PDE11A: variants seen among roughly 807,000 people sequenced by gnomAD.
PDE11A encodes the protein dual 3',5'-cyclic-AMP and -GMP phosphodiesterase 11A.
In PDE11A, 100 loss-of-function variants were observed where a neutral mutation model predicts 100.5. That is an observed-to-expected ratio of 1.00 (90% CI 0.85 to 1.18). The LOEUF is 1.18. Ranked by LOEUF, PDE11A falls within the 50% of genes most tolerant of loss-of-function variation. PDE11A has a pLI of 0.00. For missense variants in PDE11A, 1,141 were observed against 1,152.6 expected, an observed-to-expected ratio of 0.99 and a Z score of 0.15; for synonymous variants, 381 against 420.8, an observed-to-expected ratio of 0.91 and a Z score of 1.16.
intron 2 of PDE11A, among the ~76,000 whole-genome samples, chr2:177,914,478 T>C (rs2084924754): frequency 6.6e-6 from 1 of 152,188 alleles, no homozygotes; most frequent in African/African-American, 2.4e-5. Flanking sequence ...TATAAGCAGG[T>C]TGACCTACAT....
intron 18 of PDE11A, among the ~76,000 whole-genome samples, chr2:177,667,582 A>G (rs2105484621): frequency 6.6e-6 from 1 of 152,288 alleles, no homozygotes; most frequent in East Asian, 1.9e-4. Context: ...CTTCTTAATC[A>G]ATGCTTGATG....
At chr2:177,996,183 C>T (rs62183413) in intron 2 of PDE11A, among the ~76,000 whole-genome samples, 76,528 of 151,196 alleles carry the variant, frequency 0.51, 20,109 homozygotes, top group East Asian at 0.71. Context: ...GCCGAGATCT[C>T]GCTACTGCAC....
At chr2:177,754,992 T>A (rs1443932419) in intron 10 of PDE11A, among the ~76,000 whole-genome samples, 4 of 152,352 alleles carry the variant, frequency 2.6e-5, no homozygotes, top group Non-Finnish European at 4.4e-5. Flanking sequence ...AATAAATTCA[T>A]GAAGAAATGA....
intron 9 of PDE11A, among the ~76,000 whole-genome samples, chr2:177,783,398 T>C (rs1034387437): frequency 8.5e-5 from 12 of 141,958 alleles, no homozygotes; most frequent in African/African-American, 8.0e-5. Flanking sequence ...GTCTTGTCCA[T>C]GTTTTTGAGG....
chr2:177,969,586 A>G (rs898065366), intron 2 of PDE11A, among the ~76,000 whole-genome samples: 3 of 152,118 alleles, frequency 2.0e-5, no homozygotes, highest in Non-Finnish European at 2.9e-5. Context: ...TGATACTGAA[A>G]CCCATGATTC....
At chr2:177,632,919 T>G (rs2079975809) in intron 19 of PDE11A, among the ~76,000 whole-genome samples, 1 of 152,232 alleles carries the variant, frequency 6.6e-6, no homozygotes, top group Admixed American at 6.5e-5. Flanking sequence ...TATACAGATC[T>G]GGACTGCCAG....
chr2:177,681,132 G>T (rs189262283), intron 15 of PDE11A, among the ~76,000 whole-genome samples: 8 of 152,300 alleles, frequency 5.3e-5, no homozygotes, highest in Admixed American at 5.2e-4. Context: ...TTACAACAGA[G>T]GAGATTATAG....
chr2:177,986,368 CAGTCT>C (rs369661826), intron 2 of PDE11A, among the ~76,000 whole-genome samples: 128 of 152,320 alleles, frequency 8.4e-4, no homozygotes, highest in African/African-American at 3.0e-3. Flanking sequence ...AGCCTTTTCA[CAGTCT>C]CTGTGTGCCT....
intron 7 of PDE11A, among the ~76,000 whole-genome samples, chr2:177,819,465 T>C (rs939282801): frequency 4.6e-5 from 7 of 152,076 alleles, no homozygotes; most frequent in Non-Finnish European, 8.8e-5. Context: ...TTTCAACTAA[T>C]TCCTCCATCC....
chr2:178,059,016 G>A (rs749108084), intron 1 of PDE11A, among the ~76,000 whole-genome samples: 2 of 152,136 alleles, frequency 1.3e-5, no homozygotes, highest in Non-Finnish European at 2.9e-5. Context: ...CACCCTTGAA[G>A]TTTAATGCAC....
chr2:177,680,095 C>A (rs1199016952), intron 16 of PDE11A, among the ~76,000 whole-genome samples: 5 of 151,988 alleles, frequency 3.3e-5, no homozygotes, highest in Admixed American at 3.3e-4. Context: ...GTCAAGGTTT[C>A]CGCTTGGGGT....
intron 2 of PDE11A, among the ~76,000 whole-genome samples, chr2:177,913,663 C>A (rs1186344200): frequency 6.6e-6 from 1 of 151,936 alleles, no homozygotes; most frequent in East Asian, 1.9e-4. Context: ...ATTTTCGATA[C>A]CTTCTTTTTC....
chr2:177,817,477 G>A (rs1417046609), intron 8 of PDE11A, among the ~76,000 whole-genome samples: 4 of 152,146 alleles, frequency 2.6e-5, no homozygotes, highest in Admixed American at 2.0e-4. Context: ...CAGCTAGAGC[G>A]CCTGGAGTGA....
At chr2:178,105,712 G>A in intron 1 of PDE11A, 1 of 1,041,866 alleles carries the variant, frequency 9.6e-7, no homozygotes, top group Non-Finnish European at 1.3e-6. Flanking sequence ...TGATGGCATA[G>A]GTCTCACCTG....
chr2:177,708,440 T>A (rs896452631), intron 13 of PDE11A, among the ~76,000 whole-genome samples: 4 of 152,124 alleles, frequency 2.6e-5, no homozygotes, highest in Non-Finnish European at 4.4e-5. Context: ...GATGAGAACT[T>A]ATGAACACAA....
intron 1 of PDE11A, among the ~76,000 whole-genome samples, chr2:178,058,784 G>C (rs1353321365): frequency 1.3e-5 from 2 of 152,156 alleles, no homozygotes; most frequent in Non-Finnish European, 2.9e-5. Flanking sequence ...AAAGACAGGT[G>C]AGCCAAAATT....
At chr2:177,918,062 T>C (rs1230557903) in intron 2 of PDE11A, among the ~76,000 whole-genome samples, 1 of 152,204 alleles carries the variant, frequency 6.6e-6, no homozygotes, top group Non-Finnish European at 1.5e-5. Context: ...GCATTCTTAA[T>C]GGATAGCCTT....
chr2:177,651,522 G>A (rs1167444673), intron 19 of PDE11A, among the ~76,000 whole-genome samples: 1 of 152,180 alleles, frequency 6.6e-6, no homozygotes, highest in Non-Finnish European at 1.5e-5. Flanking sequence ...AGAAAGCTGA[G>A]GATGGCGAGT....
At chr2:177,997,286 C>T in intron 2 of PDE11A, 1 of 1,061,214 alleles carries the variant, frequency 9.4e-7, no homozygotes, top group Non-Finnish European at 1.5e-6. Context: ...ATTAAAGTTG[C>T]CCAAATTGCT....
Sources: allele counts gnomAD v4.1 joint callset (sites outside exome capture counted in the v4.1 genomes callset), GRCh38; gene constraint gnomAD v4.1.1; transcripts MANE v1.5; gene names NCBI Gene and HGNC (gene_info 2026-07-23, HGNC 2026-07-21).